MLLT3: variants seen among roughly 807,000 people sequenced by gnomAD.
MLLT3 encodes the protein MLLT3 super elongation complex subunit.
Under a neutral mutation model 53.2 loss-of-function variants are expected in MLLT3, and 4 were observed. The observed-to-expected ratio is 0.08, with a 90% CI of 0.04 to 0.17. MLLT3 has a LOEUF of 0.17. Ranked by LOEUF, MLLT3 falls within the 10% of genes least tolerant of loss-of-function variation. The probability of loss-of-function intolerance (pLI) is 1.00; values close to 1 mark genes in which losing one functional copy is unlikely to be tolerated. For synonymous variants in MLLT3, 283 were observed against 230.6 expected (o/e 1.23, Z -2.06); for missense variants, 569 against 684.0 (o/e 0.83, Z 1.87).
intron 2 of MLLT3, among the ~76,000 whole-genome samples, chr9:20,467,625 A>G (rs1167002772): frequency 1.3e-5 from 2 of 152,194 alleles, no homozygotes; most frequent in Non-Finnish European, 2.9e-5. Flanking sequence ...AGCAGATTTA[A>G]TCTTATTTAG....
At chr9:20,575,672 CT>C (rs1819635388) in intron 2 of MLLT3, among the ~76,000 whole-genome samples, 1 of 152,080 alleles carries the variant, frequency 6.6e-6, no homozygotes, top group South Asian at 2.1e-4. Flanking sequence ...TGAAAGAAAT[CT>C]TTTTTTCTGA....
At chr9:20,492,925 T>C (rs1323203209) in intron 2 of MLLT3, among the ~76,000 whole-genome samples, 2 of 152,010 alleles carry the variant, frequency 1.3e-5, no homozygotes, top group African/African-American at 2.4e-5. Flanking sequence ...TTGTTTAGGA[T>C]AGATTCATGA....
chr9:20,421,088 AC>A (rs1185786585), intron 4 of MLLT3, among the ~76,000 whole-genome samples: 1 of 151,888 alleles, frequency 6.6e-6, no homozygotes, highest in Non-Finnish European at 1.5e-5. Flanking sequence ...ACATGGTGAA[AC>A]CCTGTCTCTA....
intron 2 of MLLT3, among the ~76,000 whole-genome samples, chr9:20,513,645 T>C (rs756012120): frequency 7.9e-5 from 12 of 152,108 alleles, no homozygotes; most frequent in Non-Finnish European, 1.3e-4. Context: ...TCTGCAGCAG[T>C]CCATGCAGGG....
intron 5 of MLLT3, among the ~76,000 whole-genome samples, chr9:20,372,476 C>A (rs537880018): frequency 6.6e-6 from 1 of 151,612 alleles, no homozygotes; most frequent in South Asian, 2.1e-4. Flanking sequence ...CGGCTCACTG[C>A]AAGTTCGTTC....
intron 2 of MLLT3, among the ~76,000 whole-genome samples, chr9:20,577,537 A>C (rs1819685938): frequency 1.3e-5 from 2 of 152,332 alleles, no homozygotes; most frequent in Middle Eastern, 3.4e-3. Context: ...CCCCAGGTTC[A>C]GCAAAGATTC....
In MLLT3 at chr9:20,526,705, G is replaced by T. The variant is rs1413694962; in HGVS notation, c.194-69919C>A. ...TAGGAGTAGAACAGCTAGATCCTTGGGTATGTTTATGTTTAACTTTACTGG... is the reference window on the plus strand; with the variant it reads ...TAGGAGTAGAACAGCTAGATCCTTGTGTATGTTTATGTTTAACTTTACTGG... On this transcript the variant is annotated intron_variant, in intron 2 of 10. Coordinates refer to ENST00000380338, the MANE Select transcript of MLLT3 (RefSeq NM_004529.4). Among the ~76,000 whole-genome samples the T allele has an allele frequency of 2.0e-5, 3 of 152,152 alleles. No individual in the cohort carries two copies. In the East Asian group the frequency reaches 5.8e-4, roughly 29 times the overall value.
chr9:20,490,078 T>C (rs1824910720), intron 2 of MLLT3, among the ~76,000 whole-genome samples: 1 of 152,216 alleles, frequency 6.6e-6, no homozygotes. Flanking sequence ...AAGATGTGAT[T>C]TCTTTCATCA....
At chr9:20,510,930 A>G (rs980565188) in intron 2 of MLLT3, among the ~76,000 whole-genome samples, 8 of 152,228 alleles carry the variant, frequency 5.3e-5, no homozygotes, top group African/African-American at 1.9e-4. Context: ...GGTTGCCATC[A>G]ATACCAGAAA....
At chr9:20,539,738 C>T (rs1818578202) in intron 2 of MLLT3, among the ~76,000 whole-genome samples, 1 of 152,124 alleles carries the variant, frequency 6.6e-6, no homozygotes, top group Non-Finnish European at 1.5e-5. Flanking sequence ...CTGACCCCTC[C>T]CAAATCTCAT....
chr9:20,549,413 T>A (rs1465979460), intron 2 of MLLT3, among the ~76,000 whole-genome samples: 2 of 152,222 alleles, frequency 1.3e-5, no homozygotes, highest in African/African-American at 2.4e-5. Context: ...AAATAGTTCC[T>A]ACTAATAATA....
intron 2 of MLLT3, among the ~76,000 whole-genome samples, chr9:20,519,388 A>G (rs1161543469): frequency 2.0e-5 from 3 of 152,186 alleles, no homozygotes; most frequent in Non-Finnish European, 4.4e-5. Context: ...TTCCAAGACA[A>G]AAAGTTTTTT....
At chr9:20,359,859 A>G (rs1821272288) in intron 8 of MLLT3, among the ~76,000 whole-genome samples, 1 of 152,244 alleles carries the variant, frequency 6.6e-6, no homozygotes, top group African/African-American at 2.4e-5. Context: ...CGACACAAAA[A>G]GATAAGAAAA....
intron 2 of MLLT3, among the ~76,000 whole-genome samples, chr9:20,577,948 C>A (rs970602453): frequency 1.3e-5 from 2 of 152,178 alleles, no homozygotes; most frequent in Non-Finnish European, 2.9e-5. Flanking sequence ...AAACCTGATC[C>A]TCCAGTATCC....
chr9:20,374,991 G>C (rs946768891), intron 5 of MLLT3, among the ~76,000 whole-genome samples: 1 of 152,192 alleles, frequency 6.6e-6, no homozygotes, highest in African/African-American at 2.4e-5. Context: ...CAAAGAGCTT[G>C]CTTCTTTTCT....
chr9:20,342,275 G>T lies in MLLT3; in HGVS notation c.*4168C>A. The stretch of plus-strand genomic sequence containing the variant: ...CAATCTGTACTTACATTTCAACATG[G>T]ATTTTAGAGAAGGGAAATACATCTT... On this transcript the variant is annotated 3_prime_UTR_variant, in exon 11 of 11. Transcript: ENST00000380338. The T allele has an allele frequency of 4.5e-6, 1 of 223,102 alleles. No individual in the cohort carries two copies. Among genetic ancestry groups the T allele is most frequent in the East Asian group, 6.5e-5 (1 of 15,270 alleles). The allele number at this position is 223,102 out of a possible 1,614,324, so 13.8% of individuals were successfully genotyped here. A position where few individuals can be genotyped will look rare whatever the true frequency, so the allele number is the denominator to read the frequency against.
rs1173428644 is a variant in MLLT3 at position 20,620,551 on chromosome 9, G to A, written c.193+103C>T. On this transcript the variant is annotated intron_variant, in intron 2 of 10. Coordinates refer to ENST00000380338, the MANE Select transcript of MLLT3 (RefSeq NM_004529.4). This position sits in a 1 kb window ranked among gnomAD's most constrained non-coding sequence, Gnocchi z 6.1. ...ACCCGGATCCCGAGGCTACGCCGGC[G>A]AGCGCGGCGCGGGGGGCGGGGAGCG... 7 of 1,075,360 alleles carry A rather than the reference G, an allele frequency of 6.5e-6. No individual in the cohort carries two copies. Among genetic ancestry groups the A allele is most frequent in the Non-Finnish European group, 8.7e-6 (7 of 808,086 alleles). The allele number at this position is 1,075,360 out of a possible 1,614,324, so 66.6% of individuals were successfully genotyped here.
chr9:20,555,993 T>C (rs1819047707), intron 2 of MLLT3, among the ~76,000 whole-genome samples: 1 of 152,186 alleles, frequency 6.6e-6, no homozygotes, highest in African/African-American at 2.4e-5. Flanking sequence ...GGCACTGCTA[T>C]AATACTCCCT....
chr9:20,436,527 A>G (rs945350373), intron 4 of MLLT3, among the ~76,000 whole-genome samples: 1 of 152,224 alleles, frequency 6.6e-6, no homozygotes, highest in African/African-American at 2.4e-5. Flanking sequence ...AGATTGCTCC[A>G]TTGGTCCTAA....
Sources: allele counts gnomAD v4.1 joint callset (sites outside exome capture counted in the v4.1 genomes callset), GRCh38; gene constraint gnomAD v4.1.1; non-coding constraint Gnocchi (gnomAD v3.1); transcripts MANE v1.5; gene names NCBI Gene and HGNC (gene_info 2026-07-23, HGNC 2026-07-21).